The following MGAT4C variants were observed in gnomAD, a reference collection of about 807,000 sequenced individuals.
MGAT4C encodes the protein alpha-1,3-mannosyl-glycoprotein 4-beta-N-acetylglucosaminyltransferase C.
In MGAT4C, 19 loss-of-function variants were observed where a neutral mutation model predicts 40.1. That is an observed-to-expected ratio of 0.47 (90% confidence interval 0.33 to 0.70). The LOEUF is 0.70. Ranked by LOEUF, MGAT4C falls within the 30% of genes least tolerant of loss-of-function variation. MGAT4C has a pLI of 0.02. For missense variants in MGAT4C, 491 were observed against 563.2 expected, an observed-to-expected ratio of 0.87 and a Z score of 1.30; for synonymous variants, 181 against 187.1, an observed-to-expected ratio of 0.97 and a Z score of 0.27.
intron 1 of MGAT4C, among the ~76,000 whole-genome samples, chr12:86,117,759 G>A (rs1261856754): frequency 1.3e-5 from 2 of 152,106 alleles, no homozygotes; most frequent in African/African-American, 4.8e-5. Context: ...TATCATTAGG[G>A]CCAGTGGAAC....
intron 1 of MGAT4C, among the ~76,000 whole-genome samples, chr12:86,741,698 G>C (rs1368213467): frequency 6.6e-6 from 1 of 151,278 alleles, no homozygotes; most frequent in Non-Finnish European, 1.5e-5. Flanking sequence ...TTTCATGCAA[G>C]AATAGTTTTG....
chr12:86,035,471 T>C (rs1006654172), intron 2 of MGAT4C, among the ~76,000 whole-genome samples: 3 of 150,186 alleles, frequency 2.0e-5, no homozygotes, highest in African/African-American at 7.3e-5. Flanking sequence ...AGATTCTGGA[T>C]ATTAGCCCTT....
intron 1 of MGAT4C, among the ~76,000 whole-genome samples, chr12:86,802,584 G>A (rs998176532): frequency 1.3e-5 from 2 of 151,470 alleles, no homozygotes; most frequent in African/African-American, 2.4e-5. Flanking sequence ...TACAAAATCA[G>A]TGTGCAAAAA....
At chr12:86,812,796 C>T (rs1260674161) in intron 1 of MGAT4C, among the ~76,000 whole-genome samples, 1 of 152,032 alleles carries the variant, frequency 6.6e-6, no homozygotes, top group African/African-American at 2.4e-5. Flanking sequence ...TTGGTTTTGC[C>T]AACCTTTACT....
chr12:86,753,934 G>A (rs968952817), intron 1 of MGAT4C, among the ~76,000 whole-genome samples: 1 of 152,018 alleles, frequency 6.6e-6, no homozygotes, highest in Non-Finnish European at 1.5e-5. Context: ...ACACAACTTT[G>A]GAGAATAATT....
chr12:86,223,793 C>T (rs1950971992), intron 1 of MGAT4C, among the ~76,000 whole-genome samples: 1 of 152,170 alleles, frequency 6.6e-6, no homozygotes, highest in Non-Finnish European at 1.5e-5. Flanking sequence ...TGAGGTCCGG[C>T]AAACCCAACT....
At chr12:86,035,738 T>G (rs1891172252) in intron 2 of MGAT4C, among the ~76,000 whole-genome samples, 1 of 150,068 alleles carries the variant, frequency 6.7e-6, no homozygotes, top group South Asian at 2.1e-4. Context: ...TAGTCCATCT[T>G]GGGTTAATTT....
At chr12:86,673,907 G>T (rs902662556) in intron 2 of MGAT4C, among the ~76,000 whole-genome samples, 3 of 151,790 alleles carry the variant, frequency 2.0e-5, no homozygotes, top group Non-Finnish European at 4.4e-5. Flanking sequence ...TCAATTGAAA[G>T]GTTACTCTTC....
rs1471279639 is a variant in MGAT4C, at chr12:85,972,367, G to GAAA, written c.*6919_*6921dup. 6.6e-6 allele frequency: 1 copy of GAAA among 150,714 alleles called. No homozygotes were observed. Among genetic ancestry groups the GAAA allele is most frequent in the African/African-American group, 2.4e-5 (1 of 41,194 alleles). The allele number at this position is 150,714 out of a possible 1,614,324, so 9.3% of individuals were successfully genotyped here. On this transcript the variant is annotated 3_prime_UTR_variant, in exon 5 of 5. Coordinates refer to ENST00000611864, the MANE Select transcript of MGAT4C (RefSeq NM_001351288.2). ...AAGCTTATAGATATTTTCATTTAAA[G>GAAA]AAAAACTATTTGTTCATTTTATTAG...
At chr12:86,082,617 C>A (rs1022835040) in intron 1 of MGAT4C, among the ~76,000 whole-genome samples, 1 of 152,054 alleles carries the variant, frequency 6.6e-6, no homozygotes, top group Non-Finnish European at 1.5e-5. Context: ...TTGTAAGTTT[C>A]AGCACAAAAT....
At chr12:86,689,203 T>C (rs1950129827) in intron 2 of MGAT4C, among the ~76,000 whole-genome samples, 2 of 152,242 alleles carry the variant, frequency 1.3e-5, no homozygotes, top group Non-Finnish European at 2.9e-5. Context: ...AAGTCATTTA[T>C]ATTCTTCTGT....
chr12:86,580,799 A>T (rs1446080124), intron 2 of MGAT4C, among the ~76,000 whole-genome samples: 1 of 151,480 alleles, frequency 6.6e-6, no homozygotes, highest in East Asian at 1.9e-4. Context: ...ATAAACATAC[A>T]TGAAGGTAAA....
intron 2 of MGAT4C, among the ~76,000 whole-genome samples, chr12:86,565,787 T>C (rs1298144052): frequency 6.6e-6 from 1 of 152,174 alleles, no homozygotes; most frequent in Non-Finnish European, 1.5e-5. Flanking sequence ...AATAATCAAA[T>C]GGATAGGATG....
upstream of MGAT4C, among the ~76,000 whole-genome samples, chr12:86,258,480 T>G (rs560715157): frequency 6.6e-6 from 1 of 152,054 alleles, no homozygotes; most frequent in African/African-American, 2.4e-5. Context: ...AATATAAAGA[T>G]TGGGAAACTT....
chr12:86,774,309 TTCTTTCTTTCTTTCTTTC>T (rs1951698639), intron 1 of MGAT4C, among the ~76,000 whole-genome samples: 1 of 39,648 alleles, frequency 2.5e-5, no homozygotes, highest in African/African-American at 6.4e-5. Flanking sequence ...CTTTCTTTCT[TTCTTTCTTTCTTTCTTTC>T]TTTCTTTCTT....
At chr12:85,997,869 G>C (rs1386923910) in intron 2 of MGAT4C, among the ~76,000 whole-genome samples, 3 of 152,130 alleles carry the variant, frequency 2.0e-5, no homozygotes, top group Non-Finnish European at 4.4e-5. Flanking sequence ...ACCATTCTGG[G>C]GTCTGGAGGA....
At chr12:86,041,444 A>G (rs2136938934) in intron 2 of MGAT4C, among the ~76,000 whole-genome samples, 1 of 152,122 alleles carries the variant, frequency 6.6e-6, no homozygotes, top group East Asian at 1.9e-4. Flanking sequence ...CTAACTTTTG[A>G]TGTGGCTGTT....
intron 2 of MGAT4C, among the ~76,000 whole-genome samples, chr12:86,614,430 G>A (rs1262398266): frequency 2.0e-5 from 3 of 151,926 alleles, no homozygotes; most frequent in East Asian, 1.9e-4. Context: ...AAGGGATTAT[G>A]GATAATATAT....
chr12:86,426,135 A>G (rs1592832164), intron 3 of MGAT4C, among the ~76,000 whole-genome samples: 2 of 152,312 alleles, frequency 1.3e-5, no homozygotes, highest in Middle Eastern at 6.8e-3. Flanking sequence ...TCAAATAGGC[A>G]GTATATTATG....
Sources: gnomAD v4.1 joint callset for allele counts (sites outside exome capture counted in the v4.1 genomes callset) on GRCh38, gnomAD v4.1.1 for gene constraint, MANE v1.5 for transcripts, NCBI Gene and HGNC (gene_info 2026-07-23, HGNC 2026-07-21) for gene names.